SLC13A3: variants seen among roughly 807,000 people sequenced by gnomAD.
SLC13A3 encodes solute carrier family 13 member 3.
A neutral mutation model predicts 59.0 loss-of-function variants in SLC13A3; 40 were observed. That is an observed-to-expected ratio of 0.68 (90% CI 0.53 to 0.88). The LOEUF (loss-of-function observed/expected upper bound fraction) is 0.88, where lower values mean the gene tolerates loss of function less well. Ranked by LOEUF, SLC13A3 falls within the 40% of genes least tolerant of loss-of-function variation. The pLI is 0.00. For synonymous variants in SLC13A3, 317 were observed against 330.3 expected (o/e 0.96, Z 0.44); for missense variants, 699 against 783.2 (o/e 0.89, Z 1.28).
chr20:46,582,929 C>G, intron 9 of SLC13A3: 1 of 985,370 alleles, frequency 1.0e-6, no homozygotes, highest in East Asian at 1.1e-4. Flanking sequence ...GTTAGAGGTA[C>G]TCAGTGATTT....
At chr20:46,669,899 G>T (rs2063081858) in intron 1 of SLC13A3, 1 of 152,092 alleles carries the variant, frequency 6.6e-6, no homozygotes, top group East Asian at 1.9e-4. Flanking sequence ...CTTACAATGG[G>T]TTTATTGAGG....
chr20:46,562,375 C>A (rs1383398526), intron 12 of SLC13A3, among the ~76,000 whole-genome samples: 4 of 152,138 alleles, frequency 2.6e-5, no homozygotes, highest in Admixed American at 1.3e-4. Flanking sequence ...CTCTTCCAGG[C>A]CTTTGTACCT....
At position 46,629,838 on chromosome 20, in the gene SLC13A3, T is replaced by G. The variant is rs538033088; in HGVS notation, c.112-16113A>C. Among the ~76,000 whole-genome samples the G allele has an allele frequency of 3.9e-5, 6 of 152,362 alleles. 1 individual carries two copies. Among genetic ancestry groups the G allele is most frequent in the Admixed American group, 3.9e-4 (6 of 15,312 alleles). ...TTAAAATACATTTCACCGAAAAATA[T>G]CTGTCCGATAGTTTCTCCCACTTCA... On this transcript the variant is annotated intron_variant, in intron 1 of 12. Transcript: ENST00000279027.
At chr20:46,643,089 G>A (rs757261951) in intron 1 of SLC13A3, among the ~76,000 whole-genome samples, 20 of 151,990 alleles carry the variant, frequency 1.3e-4, no homozygotes, top group Non-Finnish European at 2.5e-4. Flanking sequence ...ACATACTTAT[G>A]AGCACCTACT....
At chr20:46,653,293 G>A (rs770280229), upstream of SLC13A3, among the ~76,000 whole-genome samples, 3 of 152,010 alleles carry the variant, frequency 2.0e-5, no homozygotes, top group South Asian at 2.1e-4. Flanking sequence ...TTGGATGATC[G>A]GGTTAAGCTC....
chr20:46,610,352 G>C (rs943189635), intron 3 of SLC13A3, 94 bp downstream of exon 3: 10 of 1,222,086 alleles, frequency 8.2e-6, no homozygotes, highest in Non-Finnish European at 1.0e-5. Flanking sequence ...CAATAAGTGT[G>C]CATGCCCTTG....
At chr20:46,679,191 T>C (rs1056031695) in intron 1 of SLC13A3, among the ~76,000 whole-genome samples, 9 of 152,308 alleles carry the variant, frequency 5.9e-5, no homozygotes, top group Non-Finnish European at 1.3e-4. Flanking sequence ...CAGGAACCGA[T>C]CTGACCTTTC....
At chr20:46,648,094 T>G (rs2062912540) in intron 1 of SLC13A3, among the ~76,000 whole-genome samples, 1 of 152,208 alleles carries the variant, frequency 6.6e-6, no homozygotes, top group East Asian at 1.9e-4. Flanking sequence ...AGCCTCTGTT[T>G]GGGGAGGCTC....
upstream of SLC13A3, chr20:46,651,584 G>A (rs1203064649): frequency 2.4e-6 from 3 of 1,275,878 alleles, no homozygotes; most frequent in East Asian, 3.2e-5. Context: ...CCCTGGGACC[G>A]GGTGAAAGAG....
intron 1 of SLC13A3, among the ~76,000 whole-genome samples, chr20:46,663,603 G>A (rs77415367): frequency 0.024 from 3,730 of 152,250 alleles, 141 homozygotes; most frequent in African/African-American, 0.084. Context: ...CTCACTACGT[G>A]TTTACTCCAG....
rs550366802 is a variant in SLC13A3, at chr20:46,679,470, CG to C, written c.-31+4925del. Among the ~76,000 whole-genome samples, 92 of 152,238 alleles carry C rather than the reference CG, an allele frequency of 6.0e-4. 1 individual carries two copies. The highest frequency in any genetic ancestry group is 2.0e-3 in the African/African-American group (85 of 41,560). On this transcript the variant is annotated intron_variant, in intron 1 of 6. Coordinates refer to the SLC13A3 transcript ENST00000372121. ...TCTACTAAAAAATACAAAAATTCGC[CG>C]GGCGTGGTGGCGGGCGCCTGTAGTC...
chr20:46,572,371 G>A (rs1362492402), intron 10 of SLC13A3, among the ~76,000 whole-genome samples: 1 of 152,180 alleles, frequency 6.6e-6, no homozygotes, highest in Admixed American at 6.5e-5. Context: ...ACTACACAAA[G>A]CCCCTGTTGA....
In SLC13A3 at chr20:46,596,001, C is replaced by T. The variant is rs188511266; in HGVS notation, c.794+156G>A. On this transcript the variant is annotated intron_variant, in intron 5 of 12. Coordinates refer to ENST00000279027, the MANE Select transcript of SLC13A3 (RefSeq NM_022829.6). ...CTCTCCCGCCAGAATGGAAGTTCCCCAAGGGCAGGGATCTCACTGGATTTT... is the reference window on the plus strand; with the variant it reads ...CTCTCCCGCCAGAATGGAAGTTCCCTAAGGGCAGGGATCTCACTGGATTTT... Among the ~76,000 whole-genome samples, 418 of 152,262 alleles carry T rather than the reference C, an allele frequency of 2.7e-3. 1 individual carries two copies. Among genetic ancestry groups the T allele is most frequent in the Non-Finnish European group, 4.9e-3 (335 of 68,016 alleles).
chr20:46,678,513 C>T (rs1191703107), intron 1 of SLC13A3, among the ~76,000 whole-genome samples: 2 of 152,216 alleles, frequency 1.3e-5, no homozygotes, highest in Admixed American at 6.5e-5. Flanking sequence ...CAACATCTTC[C>T]TCTCATTGAC....
intron 4 of SLC13A3, among the ~76,000 whole-genome samples, chr20:46,599,684 T>C (rs924114675): frequency 6.6e-6 from 1 of 152,210 alleles, no homozygotes. Context: ...GCTATCTTGC[T>C]TTTTTGGGTC....
chr20:46,639,979 C>T (rs1165838765), intron 1 of SLC13A3, among the ~76,000 whole-genome samples: 1 of 152,184 alleles, frequency 6.6e-6, no homozygotes, highest in Non-Finnish European at 1.5e-5. Context: ...CCACTCGGTG[C>T]CTCAGTTTCT....
intron 8 of SLC13A3, among the ~76,000 whole-genome samples, chr20:46,586,025 C>T (rs2062187200): frequency 6.6e-6 from 1 of 152,052 alleles, no homozygotes; most frequent in Admixed American, 6.6e-5. Context: ...AAAGCACACA[C>T]CAGATTTTGA....
intron 1 of SLC13A3, among the ~76,000 whole-genome samples, chr20:46,617,811 C>A (rs1312270928): frequency 6.6e-6 from 1 of 152,180 alleles, no homozygotes; most frequent in East Asian, 1.9e-4. Context: ...GACTTTCTTC[C>A]ACCCATGCTT....
intron 1 of SLC13A3, among the ~76,000 whole-genome samples, chr20:46,683,808 G>C (rs1480870978): frequency 6.6e-6 from 1 of 152,164 alleles, no homozygotes; most frequent in Non-Finnish European, 1.5e-5. Flanking sequence ...GTGGCTGCCA[G>C]GTCCTGTGCC....
Sources: allele counts gnomAD v4.1 joint callset (sites outside exome capture counted in the v4.1 genomes callset), GRCh38; gene constraint gnomAD v4.1.1; transcripts MANE v1.5; gene names NCBI Gene and HGNC (gene_info 2026-07-23, HGNC 2026-07-21).